The following DNAH3 variants were observed in gnomAD, a reference collection of about 807,000 sequenced individuals.
DNAH3 encodes dynein axonemal heavy chain 3.
A neutral mutation model predicts 432.5 loss-of-function variants in DNAH3; 332 were observed. The ratio of observed to expected loss-of-function variants is 0.77; its 90% confidence interval spans 0.70 to 0.84. The LOEUF (loss-of-function observed/expected upper bound fraction) is 0.84, where lower values mean the gene tolerates loss of function less well. DNAH3 is among the 40% of genes least tolerant of loss of function. The pLI is 0.00. For missense variants in DNAH3, 4,861 were observed against 5,114.0 expected (o/e 0.95, Z 1.51); for synonymous variants, 1,956 against 1,900.2 (o/e 1.03, Z -0.76).
intron 37 of DNAH3, among the ~76,000 whole-genome samples, chr16:21,029,006 G>A (rs76145820): frequency 0.066 from 10,045 of 152,186 alleles, 453 homozygotes; most frequent in Admixed American, 0.12. Context: ...ACCACCAACC[G>A]CGTCATCTCT....
intron 1 of DNAH3, among the ~76,000 whole-genome samples, chr16:21,152,550 T>C (rs531887723): frequency 7.2e-5 from 11 of 152,262 alleles, no homozygotes; most frequent in Non-Finnish European, 1.3e-4. Context: ...CTTTCTGGGC[T>C]GGGCAAGGCC....
intron 14 of DNAH3, among the ~76,000 whole-genome samples, chr16:21,109,874 G>A (rs2092031573): frequency 6.6e-6 from 1 of 151,936 alleles, no homozygotes; most frequent in African/African-American, 2.4e-5. Flanking sequence ...GAGTAGCTGG[G>A]ACCACAGGCA....
chr16:20,935,373 A>T (rs764207603), exon 61 of DNAH3: 1 of 1,614,032 alleles, frequency 6.2e-7, no homozygotes, highest in Non-Finnish European at 8.5e-7. Flanking sequence ...AATGTGGTCA[A>T]TGGGGATGGT....
intron 9 of DNAH3, among the ~76,000 whole-genome samples, chr16:21,122,438 TC>T (rs1732477929): frequency 6.6e-6 from 1 of 152,062 alleles, no homozygotes; most frequent in African/African-American, 2.4e-5. Context: ...GTGCTTGTAA[TC>T]CTAGCTACTT....
chr16:21,037,718 A>G (rs768963795), intron 34 of DNAH3, 43 bp downstream of exon 34: 1 of 1,563,460 alleles, frequency 6.4e-7, no homozygotes, highest in Non-Finnish European at 8.8e-7. Flanking sequence ...ATCTTCCAAC[A>G]TTGAGCCTTG....
intron 3 of DNAH3, among the ~76,000 whole-genome samples, chr16:21,142,812 C>G (rs1013115808): frequency 6.6e-6 from 1 of 152,110 alleles, no homozygotes; most frequent in African/African-American, 2.4e-5. Flanking sequence ...TGCCACCACA[C>G]CTGGCTAATT....
At chr16:20,998,545 A>G (rs1200758443) in intron 43 of DNAH3, among the ~76,000 whole-genome samples, 4 of 151,852 alleles carry the variant, frequency 2.6e-5, no homozygotes, top group Non-Finnish European at 4.4e-5. Flanking sequence ...GAGCCACCAC[A>G]CCCAGCCTGA....
chr16:20,988,510 G>C lies in DNAH3; in HGVS notation c.6602-445C>G, dbSNP rs144990716. ...GTTCACTGCAACCTCCGCCTCCCGGGCTCAAGAGATTCTCCAGCCTCAGCC... is the reference window on the plus strand; with the variant it reads ...GTTCACTGCAACCTCCGCCTCCCGGCCTCAAGAGATTCTCCAGCCTCAGCC... On this transcript the variant is annotated intron_variant, in intron 44 of 61. Transcript: ENST00000261383. Among the ~76,000 whole-genome samples, 766 of 152,296 alleles carry C rather than the reference G, an allele frequency of 5.0e-3. 5 individuals are homozygous for C. The highest frequency in any genetic ancestry group is 0.017 in the African/African-American group (718 of 41,558).
rs900087707 is a variant in DNAH3 at position 20,934,449 on chromosome 16, C to G, written c.11997+899G>C. On this transcript the variant is annotated intron_variant, in intron 61 of 61. Transcript: ENST00000261383. ...CTTAGCCTAGCCTCCCTTAAATGTG[C>G]TTAGAACACTTACATTAGCCTATAG... is the stretch of plus-strand genomic sequence containing the variant. 4.6e-5 allele frequency among the ~76,000 whole-genome samples: 6 copies of G among 130,752 alleles called. No individual in the cohort carries two copies. In the Admixed American group the frequency reaches 4.7e-4, roughly 10 times the overall value. 85.8% of individuals were successfully genotyped at this position (130,752 alleles called of 152,430 possible).
intron 1 of DNAH3, among the ~76,000 whole-genome samples, chr16:21,156,888 C>T (rs910156401): frequency 2.0e-5 from 3 of 151,364 alleles, no homozygotes; most frequent in Admixed American, 6.6e-5. Context: ...TTCACAGAGA[C>T]GCCCCTAGAT....
At chr16:21,014,555 A>C (rs558623484) in intron 41 of DNAH3, among the ~76,000 whole-genome samples, 1 of 152,322 alleles carries the variant, frequency 6.6e-6, no homozygotes, top group African/African-American at 2.4e-5. Flanking sequence ...AAGATAAGGA[A>C]GCCCTTTTTC....
chr16:21,067,542 C>T, intron 23 of DNAH3, 123 bp from the exon 24 acceptor site: 1 of 1,002,746 alleles, frequency 1.0e-6, no homozygotes, highest in Non-Finnish European at 1.5e-6. Context: ...GCCTCCTGAT[C>T]CCCCTCCTAA....
chr16:21,014,679 T>TA (rs147573570), intron 41 of DNAH3, among the ~76,000 whole-genome samples: 35,735 of 151,946 alleles, frequency 0.24, 4,383 homozygotes, highest in Admixed American at 0.28. Context: ...CATAATTATG[T>TA]AAAAAATCCC....
intron 1 of DNAH3, among the ~76,000 whole-genome samples, chr16:21,148,487 G>GAGTGC (rs1380831965): frequency 6.6e-6 from 1 of 151,220 alleles, no homozygotes; most frequent in Non-Finnish European, 1.5e-5. Context: ...GCCCAGGCTG[G>GAGTGC]AGTGCAGTGA....
intron 1 of DNAH3, among the ~76,000 whole-genome samples, chr16:21,151,538 C>T (rs59209490): frequency 0.018 from 2,726 of 152,106 alleles, 81 homozygotes; most frequent in African/African-American, 0.062. Context: ...CCTCGTGATC[C>T]GCCCACCTCG....
chr16:20,959,551 C>T (rs2084719763), intron 53 of DNAH3, 147 bp from the exon 54 acceptor site: 1 of 732,708 alleles, frequency 1.4e-6, no homozygotes, highest in Admixed American at 2.8e-5. Context: ...GGGAGGATCA[C>T]TTGAGCTCAG....
At chr16:21,136,370 C>A in exon 6 of DNAH3, 2 of 1,614,068 alleles carry the variant, frequency 1.2e-6, no homozygotes, top group Non-Finnish European at 1.7e-6. Context: ...CCTTCTCCTG[C>A]ACGAGGACCA....
At chr16:21,054,068 T>A (rs1449893556) in intron 28 of DNAH3, among the ~76,000 whole-genome samples, 1 of 152,142 alleles carries the variant, frequency 6.6e-6, no homozygotes, top group East Asian at 1.9e-4. Flanking sequence ...TGAGATAATG[T>A]ATGTCAATCA....
rs1431273529 is a variant in DNAH3, at chr16:21,062,589, CT to C, written c.3612del (p.Gly1205GlufsTer16). On this transcript the variant is annotated frameshift_variant, in exon 25 of 62. Coordinates refer to ENST00000261383, the Ensembl canonical transcript of DNAH3. LOFTEE classifies it high-confidence loss of function. ...TCTGTAAACTCAAGCTTGGCAATTCCTTCAAAGCACTTCTTCAAGTGCGGCT... is the reference window on the plus strand; with the variant it reads ...TCTGTAAACTCAAGCTTGGCAATTCCTCAAAGCACTTCTTCAAGTGCGGCT... The C allele has an allele frequency of 1.9e-6, 3 of 1,614,024 alleles. No homozygotes were observed. In the African/African-American group the frequency reaches 4.0e-5, roughly 22 times the overall value.
Sources: gnomAD v4.1 joint callset for allele counts (sites outside exome capture counted in the v4.1 genomes callset) on GRCh38, gnomAD v4.1.1 for gene constraint, MANE v1.5 for transcripts, NCBI Gene and HGNC (gene_info 2026-07-23, HGNC 2026-07-21) for gene names.